Variants in OTOGL observed in about 807,000 individuals in gnomAD.
The protein encoded by OTOGL is otogelin-like protein.
A neutral mutation model predicts 318.5 loss-of-function variants in OTOGL; 285 were observed. The ratio of observed to expected loss-of-function variants is 0.89; its 90% confidence interval spans 0.81 to 0.99. The LOEUF is 0.99. Among genes scored for constraint, OTOGL ranks in the 50% least tolerant of loss-of-function variants. The pLI is 0.00. For synonymous variants in OTOGL, 987 were observed against 936.5 expected (o/e 1.05, Z -0.99); for missense variants, 2,899 against 2,845.6 (o/e 1.02, Z -0.43).
rs371537467 is a variant in OTOGL, at chr12:80,238,859, A to T, written c.826A>T (p.Thr276Ser). 6.5e-7 allele frequency: 1 copy of T among 1,546,432 alleles called. No individual in the cohort carries two copies. The highest frequency in any genetic ancestry group is 1.2e-5 in the South Asian group (1 of 84,650). ...DDFIILQEDY[T>S]EDIAMFANSW... ...GTGCCTGTGTGAAATAGAGGACTAT[A>T]CAGAAGACATCGCTATGTTTGCAAA... Residue 276 changes from threonine to serine, a missense_variant, in exon 10 of 59, where the codon ACA becomes TCA. This residue lies in a region of OTOGL where 2,607 missense variants were observed against 2,524.9 expected (regional missense o/e 1.03). Transcript: ENST00000547103.
chr12:80,296,018 A>AG (rs1487019111), intron 26 of OTOGL, among the ~76,000 whole-genome samples: 2 of 152,156 alleles, frequency 1.3e-5, no homozygotes, highest in African/African-American at 4.8e-5. Context: ...GTTGCCAAGG[A>AG]AAGGGGTCTA....
chr12:80,126,234 A>G (rs910283648), intron 1 of OTOGL, among the ~76,000 whole-genome samples: 19 of 151,616 alleles, frequency 1.3e-4, no homozygotes, highest in Non-Finnish European at 2.2e-4. Flanking sequence ...ATTCTGGTAT[A>G]TTGTGTCTTT....
At position 80,238,951 on chromosome 12, in the gene OTOGL, G is replaced by A. The variant is rs138795425; in HGVS notation, c.918G>A (p.Pro306=). Residue 306 remains proline, a synonymous_variant, in exon 10 of 59, where the codon CCG becomes CCA. Coordinates refer to ENST00000547103, the MANE Select transcript of OTOGL (RefSeq NM_001378609.3). ...CVLTPSDFPN[P]CSSGMPAFEA... ...TCACACCCTCAGATTTTCCAAATCCGTGCTCCAGTGGAATGCCAGCATTTG... is the reference window on the plus strand; with the variant it reads ...TCACACCCTCAGATTTTCCAAATCCATGCTCCAGTGGAATGCCAGCATTTG... 6.8e-4 allele frequency: 1,091 copies of A among 1,597,510 alleles called. 12 individuals carry two copies. The African/African-American group carries it at 0.011, about 16-fold the overall frequency.
intron 23 of OTOGL, among the ~76,000 whole-genome samples, chr12:80,270,957 G>A (rs141892748): frequency 6.6e-6 from 1 of 152,152 alleles, no homozygotes; most frequent in East Asian, 1.9e-4. Flanking sequence ...TATTTGAATG[G>A]CCTGGTATAT....
intron 1 of OTOGL, among the ~76,000 whole-genome samples, chr12:80,203,854 A>G (rs1876627788): frequency 6.6e-6 from 1 of 152,184 alleles, no homozygotes; most frequent in Admixed American, 6.5e-5. Flanking sequence ...TGATGAGAAA[A>G]TATGAGATGC....
intron 1 of OTOGL, among the ~76,000 whole-genome samples, chr12:80,107,606 C>A (rs954282897): frequency 6.6e-5 from 10 of 152,010 alleles, no homozygotes; most frequent in African/African-American, 2.4e-4. Flanking sequence ...TGGGTATACA[C>A]CCGAAAGAAT....
Position 80,377,830 on chromosome 12 carries a change from C to T in OTOGL, c.6862-18C>T, listed in dbSNP as rs1284400942. 4.5e-6 allele frequency: 7 copies of T among 1,570,466 alleles called. No homozygotes were observed. The Admixed American group carries it at 7.2e-5, about 16-fold the overall frequency. On this transcript the variant is annotated intron_variant, in intron 58 of 58. Coordinates refer to ENST00000547103, the MANE Select transcript of OTOGL (RefSeq NM_001378609.3). ...TTTAAAAGTTTAAGACTTTTTTTCTCATTGTCACTTCTTACAGATAAATGT... is the reference window on the plus strand; with the variant it reads ...TTTAAAAGTTTAAGACTTTTTTTCTTATTGTCACTTCTTACAGATAAATGT...
intron 57 of OTOGL, among the ~76,000 whole-genome samples, chr12:80,373,245 A>C (rs368688109): frequency 3.9e-4 from 60 of 152,256 alleles, no homozygotes; most frequent in African/African-American, 1.4e-3. Context: ...CATCCTGGCC[A>C]ACATGGTGAA....
At chr12:80,312,623 G>C (rs57681087) in intron 30 of OTOGL, among the ~76,000 whole-genome samples, 12 of 152,152 alleles carry the variant, frequency 7.9e-5, no homozygotes, top group African/African-American at 2.9e-4. Context: ...TTTATAAAAA[G>C]GGTTGCTTTT....
At chr12:80,331,036 A>C (rs61950658) in intron 37 of OTOGL, among the ~76,000 whole-genome samples, 52 of 152,206 alleles carry the variant, frequency 3.4e-4, no homozygotes, top group Non-Finnish European at 6.5e-4. Context: ...AATACTCCCA[A>C]ATTGTATTTA....
Position 80,323,800 on chromosome 12 carries a change from T to C in OTOGL, c.4159T>C (p.Cys1387Arg), listed in dbSNP as rs768182016. ...EPCATPCFKTCSDPEALACKF... is the reference protein window; with the variant it reads ...EPCATPCFKTRSDPEALACKF... Reference sequence around the variant, plus strand: ...TTGTGCTACACCCTGTTTTAAAACATGTAGTGACCCTGAAGCACTAGCATG... The same window carrying C: ...TTGTGCTACACCCTGTTTTAAAACACGTAGTGACCCTGAAGCACTAGCATG... Residue 1387 changes from cysteine to arginine, a missense_variant, in exon 35 of 59, where the codon TGT becomes CGT. Transcript: ENST00000547103. The C allele has an allele frequency of 6.2e-6, 10 of 1,613,644 alleles. No individual in the cohort carries two copies. Among genetic ancestry groups the C allele is most frequent in the Middle Eastern group, 1.6e-4 (1 of 6,084 alleles).
chr12:80,248,891 C>A (rs1209290411), intron 11 of OTOGL, among the ~76,000 whole-genome samples: 1 of 148,492 alleles, frequency 6.7e-6, no homozygotes, highest in Non-Finnish European at 1.5e-5. Flanking sequence ...TCTAAACTTC[C>A]CTTCTCACTT....
At chr12:80,257,421 ATGAGGAGGAGGTCATC>A (rs1038094970) in intron 17 of OTOGL, among the ~76,000 whole-genome samples, 2 of 151,954 alleles carry the variant, frequency 1.3e-5, no homozygotes, top group African/African-American at 4.8e-5. Flanking sequence ...CATGTGAGGA[ATGAGGAGGAGGTCATC>A]TAAGGCAGTG....
At chr12:80,327,330 G>T (rs534224115) in intron 35 of OTOGL, among the ~76,000 whole-genome samples, 1 of 152,024 alleles carries the variant, frequency 6.6e-6, no homozygotes, top group Admixed American at 6.6e-5. Flanking sequence ...CAAGGACCAG[G>T]GATTCTTACC....
chr12:80,352,810 CT>C (rs1280728035), intron 45 of OTOGL, among the ~76,000 whole-genome samples: 4 of 152,170 alleles, frequency 2.6e-5, no homozygotes, highest in African/African-American at 9.7e-5. Flanking sequence ...AATAGTATGA[CT>C]TTTTACATTC....
At chr12:80,211,084 T>C (rs1030450888) in intron 3 of OTOGL, among the ~76,000 whole-genome samples, 198 bp downstream of exon 3, 4 of 152,162 alleles carry the variant, frequency 2.6e-5, no homozygotes, top group African/African-American at 9.6e-5. Context: ...AATATTTCCT[T>C]TCCTTTTAAT....
chr12:80,302,510 G>C (rs905073981), intron 27 of OTOGL, 124 bp from the exon 28 acceptor site: 1 of 586,734 alleles, frequency 1.7e-6, no homozygotes, highest in Non-Finnish European at 2.5e-6. Context: ...ATTCAGAAAA[G>C]GCATGACCAT....
At chr12:80,308,004 G>T (rs1221466081) in intron 29 of OTOGL, among the ~76,000 whole-genome samples, 3 of 141,700 alleles carry the variant, frequency 2.1e-5, no homozygotes, top group Non-Finnish European at 3.1e-5. Flanking sequence ...CCGGGCAGAG[G>T]CGCCCCTCAC....
intron 7 of OTOGL, among the ~76,000 whole-genome samples, chr12:80,228,010 G>A (rs1393892979): frequency 6.6e-6 from 1 of 152,094 alleles, no homozygotes; most frequent in Non-Finnish European, 1.5e-5. Flanking sequence ...AGTTTCATGA[G>A]GGCAGATAGT....
Sources: allele counts gnomAD v4.1 joint callset (sites outside exome capture counted in the v4.1 genomes callset), GRCh38; gene constraint gnomAD v4.1.1; regional missense constraint gnomAD v4.1.1; transcripts MANE v1.5; gene names NCBI Gene and HGNC (gene_info 2026-07-23, HGNC 2026-07-21).